Variants in BRCA1 observed in about 807,000 individuals in gnomAD.
The protein encoded by BRCA1 is BRCA1 DNA repair associated.
In BRCA1, 140 loss-of-function variants were observed where a neutral mutation model predicts 173.7. The ratio of observed to expected loss-of-function variants is 0.81; its 90% confidence interval spans 0.70 to 0.93. BRCA1 has a LOEUF of 0.93. Ranked by LOEUF, BRCA1 falls within the 40% of genes least tolerant of loss-of-function variation. The pLI, the probability that BRCA1 is intolerant of heterozygous loss-of-function variation, is 0.00. For missense variants in BRCA1, 1,983 were observed against 2,172.5 expected, an observed-to-expected ratio of 0.91 and a Z score of 1.73; for synonymous variants, 662 against 756.0, an observed-to-expected ratio of 0.88 and a Z score of 2.04.
At chr17:43,086,073 T>C (rs1597852346) in intron 11 of BRCA1, among the ~76,000 whole-genome samples, 1 of 151,298 alleles carries the variant, frequency 6.6e-6, no homozygotes, top group East Asian at 1.9e-4. Context: ...TTAGAATCTA[T>C]AATTAACATT....
chr17:43,104,727 T>G (rs1464871725), intron 5 of BRCA1, 141 bp downstream of exon 5: 6 of 755,024 alleles, frequency 7.9e-6, no homozygotes, highest in Non-Finnish European at 1.1e-5. Context: ...AGTAATTTTT[T>G]AAAAATAGAT....
intron 3 of BRCA1, among the ~76,000 whole-genome samples, chr17:43,109,354 G>A (rs943122471): frequency 6.6e-6 from 1 of 152,102 alleles, no homozygotes; most frequent in Non-Finnish European, 1.5e-5. Flanking sequence ...ATTAAGCAAT[G>A]AAGGTTATAT....
chr17:43,071,448 T>G (rs930698365), intron 14 of BRCA1, among the ~76,000 whole-genome samples: 1 of 152,192 alleles, frequency 6.6e-6, no homozygotes, highest in Admixed American at 6.5e-5. Flanking sequence ...GTATTTACAC[T>G]TTCAGTCAAC....
chr17:43,110,473 C>G (rs950388086), intron 3 of BRCA1: 3 of 367,192 alleles, frequency 8.2e-6, no homozygotes, highest in African/African-American at 6.4e-5. Context: ...ACAGTCCCAG[C>G]TACTTGGGAG....
chr17:43,101,256 G>A (rs990882149), intron 6 of BRCA1, among the ~76,000 whole-genome samples: 2 of 151,754 alleles, frequency 1.3e-5, no homozygotes, highest in Non-Finnish European at 2.9e-5. Flanking sequence ...GAGCGTGGTG[G>A]CGTGATCTCG....
chr17:43,105,991 G>T (rs2054742803), intron 4 of BRCA1, among the ~76,000 whole-genome samples: 1 of 151,946 alleles, frequency 6.6e-6, no homozygotes, highest in African/African-American at 2.4e-5. Context: ...GCCGGGCATG[G>T]TAGCGTGTGC....
intron 18 of BRCA1, 61 bp from the exon 19 acceptor site, chr17:43,057,196 G>A (rs2153410529): frequency 6.5e-7 from 1 of 1,526,882 alleles, no homozygotes; most frequent in Non-Finnish European, 9.1e-7. Context: ...TTCAATGGAA[G>A]TGGAGCAGAC....
chr17:43,063,444 T>C (rs1480005282), intron 17 of BRCA1, 71 bp from the exon 18 acceptor site: 4 of 1,278,444 alleles, frequency 3.1e-6, no homozygotes, highest in Non-Finnish European at 4.5e-6. Context: ...GATAGAGAGG[T>C]CAGCGATTCA....
At chr17:43,136,212 T>G (rs2056021894) in intron 1 of BRCA1, among the ~76,000 whole-genome samples, 3 of 152,136 alleles carry the variant, frequency 2.0e-5, no homozygotes, top group African/African-American at 7.2e-5. Flanking sequence ...TAAATGGCAT[T>G]GGGAAAACTG....
rs1283883558 is a variant in BRCA1, at chr17:43,125,308, A to G, written c.-57T>C. Reference sequence around the variant, plus strand: ...CAGAGGGTGAAGGCCTCCTGAGCGCAGGGGCCCAGTTATCTGAGAAACCCC... The same window carrying G: ...CAGAGGGTGAAGGCCTCCTGAGCGCGGGGGCCCAGTTATCTGAGAAACCCC... On this transcript the variant is annotated 5_prime_UTR_variant, in exon 1 of 23. Transcript: ENST00000357654. 1 of 456,188 alleles carries G rather than the reference A, an allele frequency of 2.2e-6. No homozygotes were observed. Among genetic ancestry groups the G allele is most frequent in the East Asian group, 6.9e-5 (1 of 14,390 alleles). The allele number at this position is 456,188 out of a possible 1,614,324, so 28.3% of individuals were successfully genotyped here.
intron 4 of BRCA1, among the ~76,000 whole-genome samples, 189 bp downstream of exon 4, chr17:43,106,267 T>C (rs1331477612): frequency 6.6e-6 from 1 of 152,210 alleles, no homozygotes; most frequent in Non-Finnish European, 1.5e-5. Context: ...AAGTTTCTAA[T>C]ACCTGTATAA....
chr17:43,083,734 C>CT (rs1268781757), intron 11 of BRCA1, among the ~76,000 whole-genome samples: 6 of 152,210 alleles, frequency 3.9e-5, no homozygotes, highest in South Asian at 4.1e-4. Flanking sequence ...ATAATGAGTT[C>CT]TTTTTGCTTA....
rs201302829 is a variant in BRCA1 at position 43,057,822 on chromosome 17, C to T, written c.5194-687G>A. Among the ~76,000 whole-genome samples, 20 of 150,282 alleles carry T rather than the reference C, an allele frequency of 1.3e-4. No individual in the cohort carries two copies. The East Asian group carries it at 2.0e-3, about 15-fold the overall frequency. ...CTGCACTCCAGCCTGGGCAACTGAG[C>T]GAGACTCCGTCTCAAAACAAACAAA... On this transcript the variant is annotated intron_variant, in intron 18 of 22. Transcript: ENST00000357654.
At position 43,093,075 on chromosome 17, in the gene BRCA1, G is replaced by C. The variant is rs192655097; in HGVS notation, c.2456C>G (p.Ser819Cys). 1.9e-6 allele frequency: 3 copies of C among 1,613,494 alleles called. No homozygotes were observed. Among genetic ancestry groups the C allele is most frequent in the African/African-American group, 2.7e-5 (2 of 75,000 alleles). The change falls in exon 10 of 23, where the codon TCC becomes TGC. Residue 819 changes from serine (S) to cysteine (C), a missense_variant. Ser to Cys is a moderately radical substitution (Grantham distance 112). Coordinates refer to ENST00000357654, the MANE Select transcript of BRCA1 (RefSeq NM_007294.4). ...TTCTGTGTCATTTCTATTATCTTTG[G>C]AACAACCATGAATTAGTCCCTTGGG... ...ENPKGLIHGC[S>C]KDNRNDTEGF...
intron 3 of BRCA1, among the ~76,000 whole-genome samples, chr17:43,106,736 T>A (rs1222744134): frequency 2.0e-5 from 3 of 152,196 alleles, no homozygotes; most frequent in Non-Finnish European, 4.4e-5. Context: ...ACATAAGCAA[T>A]GATCTATGAA....
At chr17:43,089,035 A>C (rs1037850864) in intron 11 of BRCA1, among the ~76,000 whole-genome samples, 13 of 152,208 alleles carry the variant, frequency 8.5e-5, no homozygotes, top group Non-Finnish European at 1.8e-4. Context: ...TTAGGAGGCC[A>C]GGCCTGGTGG....
intron 1 of BRCA1, among the ~76,000 whole-genome samples, chr17:43,131,761 TTTCTC>T (rs1223603813): frequency 6.6e-6 from 1 of 152,080 alleles, no homozygotes; most frequent in Non-Finnish European, 1.5e-5. Flanking sequence ...TTTCTTTTCT[TTTCTC>T]CTTTTCTTTC....
intron 3 of BRCA1, among the ~76,000 whole-genome samples, chr17:43,114,293 A>G (rs2055167339): frequency 6.6e-6 from 1 of 152,132 alleles, no homozygotes; most frequent in African/African-American, 2.4e-5. Context: ...CTGACAAGAA[A>G]ACATACAGTT....
chr17:43,165,819 T>C (rs1490374099), intron 1 of BRCA1: 2 of 151,296 alleles, frequency 1.3e-5, no homozygotes, highest in African/African-American at 2.4e-5. Context: ...TAAGTTACTA[T>C]ATACATGTTA....
Sources: allele counts gnomAD v4.1 joint callset (sites outside exome capture counted in the v4.1 genomes callset), GRCh38; gene constraint gnomAD v4.1.1; transcripts MANE v1.5; gene names NCBI Gene and HGNC (gene_info 2026-07-23, HGNC 2026-07-21).